The following GPR107 variants were observed in gnomAD, a reference collection of about 807,000 sequenced individuals.
GPR107 encodes the protein protein GPR107.
GPR107 carries 31 observed loss-of-function variants against 75.5 expected under a neutral mutation model. The ratio of observed to expected loss-of-function variants is 0.41; its 90% confidence interval spans 0.31 to 0.55. The LOEUF (loss-of-function observed/expected upper bound fraction) is 0.55, where lower values mean the gene tolerates loss of function less well. Among genes scored for constraint, GPR107 ranks in the 20% least tolerant of loss-of-function variants. The pLI is 0.26. For synonymous variants in GPR107, 267 were observed against 251.3 expected (o/e 1.06, Z -0.59); for missense variants, 572 against 665.7 (o/e 0.86, Z 1.55).
At chr9:130,099,371 T>G in intron 9 of GPR107, 86 bp from the exon 10 acceptor site, 1 of 782,656 alleles carries the variant, frequency 1.3e-6, no homozygotes, top group East Asian at 2.5e-5. Context: ...TCCTGTCTCC[T>G]TATAAATATA....
chr9:130,057,891 C>T (rs571696795), intron 1 of GPR107, among the ~76,000 whole-genome samples: 2 of 150,844 alleles, frequency 1.3e-5, no homozygotes, highest in African/African-American at 2.4e-5. Flanking sequence ...AAAGCAATGG[C>T]GCGATCTCAG....
chr9:130,074,343 G>A (rs1160445792), intron 1 of GPR107, among the ~76,000 whole-genome samples: 4 of 152,090 alleles, frequency 2.6e-5, no homozygotes, highest in African/African-American at 9.7e-5. Flanking sequence ...TAGACTACCC[G>A]GGATGTCCAG....
intron 14 of GPR107, among the ~76,000 whole-genome samples, chr9:130,111,178 C>T (rs7860041): frequency 0.98 from 149,745 of 152,152 alleles, 73,702 homozygotes; most frequent in East Asian, 1. Flanking sequence ...AAGAATCTCA[C>T]TTTTAGGCCA....
chr9:130,094,612 G>A (rs1282022728), intron 9 of GPR107, among the ~76,000 whole-genome samples: 2 of 151,858 alleles, frequency 1.3e-5, no homozygotes, highest in African/African-American at 2.4e-5. Flanking sequence ...AGGAGGGAAG[G>A]TTATAAAAAT....
At chr9:130,062,703 G>A (rs1448485429) in intron 1 of GPR107, among the ~76,000 whole-genome samples, 1 of 137,776 alleles carries the variant, frequency 7.3e-6, no homozygotes, top group Non-Finnish European at 1.6e-5. Flanking sequence ...CCTTCCTTCC[G>A]TTTGTCTGTC....
intron 4 of GPR107, among the ~76,000 whole-genome samples, chr9:130,077,936 C>T (rs540072553): frequency 3.3e-5 from 5 of 152,098 alleles, no homozygotes; most frequent in African/African-American, 7.2e-5. Flanking sequence ...GAGGCCGAGG[C>T]GGACGGATCA....
At chr9:130,111,187 C>T (rs1258214430) in intron 14 of GPR107, among the ~76,000 whole-genome samples, 4 of 151,920 alleles carry the variant, frequency 2.6e-5, no homozygotes, top group Admixed American at 6.6e-5. Flanking sequence ...ACTTTTAGGC[C>T]AGGCATGGTG....
chr9:130,083,781 A>C (rs972410041), intron 6 of GPR107, among the ~76,000 whole-genome samples, 179 bp downstream of exon 6: 2 of 152,028 alleles, frequency 1.3e-5, no homozygotes, highest in Non-Finnish European at 2.9e-5. Context: ...AGTGAATATC[A>C]AAATCAGTAG....
At chr9:130,091,074 TAAGAA>T (rs750767119) in intron 8 of GPR107, 91 bp downstream of exon 8, 42 of 672,654 alleles carry the variant, frequency 6.2e-5, no homozygotes, top group African/African-American at 1.8e-4. Context: ...TAAGAATACT[TAAGAA>T]AAGAATGTGG....
intron 7 of GPR107, among the ~76,000 whole-genome samples, chr9:130,088,780 A>G (rs1830670032): frequency 6.6e-6 from 1 of 152,198 alleles, no homozygotes; most frequent in African/African-American, 2.4e-5. Context: ...GTGTTTAACC[A>G]CTTTGCCTTT....
chr9:130,110,137 C>T lies in GPR107; in HGVS notation c.1306+2598C>T, dbSNP rs527366112. Among the ~76,000 whole-genome samples the T allele has an allele frequency of 7.2e-5, 11 of 152,228 alleles. No homozygotes were observed. The South Asian group carries it at 1.7e-3, about 23-fold the overall frequency. On this transcript the variant is annotated intron_variant, in intron 14 of 17. Transcript: ENST00000347136. The stretch of plus-strand genomic sequence containing the variant: ...TGTTCGGTCCTCCATCTTGCTTTAG[C>T]GAGTGTGGGGTGGCTGTGGTGACTG...
chr9:130,116,547 G>T (rs536009960), intron 14 of GPR107, among the ~76,000 whole-genome samples: 1 of 152,200 alleles, frequency 6.6e-6, no homozygotes, highest in African/African-American at 2.4e-5. Flanking sequence ...GCAGGGTTGC[G>T]TCCCAAGTCT....
At position 130,110,950 on chromosome 9, in the gene GPR107, T is replaced by C. The variant is rs538612856; in HGVS notation, c.1306+3411T>C. Among the ~76,000 whole-genome samples, 13 of 152,326 alleles carry C rather than the reference T, an allele frequency of 8.5e-5. No homozygotes were observed. In the East Asian group the frequency reaches 2.1e-3, roughly 25 times the overall value. On this transcript the variant is annotated intron_variant, in intron 14 of 17. Coordinates refer to ENST00000347136, the MANE Select transcript of GPR107 (RefSeq NM_020960.5). ...GGATAGAGCCTGACATTCTGTTTCC[T>C]GTTCTCAGGCTCATTATTCCAGTGA... is the stretch of plus-strand genomic sequence containing the variant.
chr9:130,080,499 A>ATTTATTTATTTG (rs1367806170), intron 5 of GPR107, among the ~76,000 whole-genome samples: 2 of 151,370 alleles, frequency 1.3e-5, no homozygotes, highest in Non-Finnish European at 2.9e-5. Flanking sequence ...TTATTTATTT[A>ATTTATTTATTTG]TTTATTTTTT....
chr9:130,091,087 T>G (rs1032212349), intron 8 of GPR107, 104 bp downstream of exon 8: 7 of 659,016 alleles, frequency 1.1e-5, no homozygotes. Flanking sequence ...GAAAAGAATG[T>G]GGGCAGACAC....
intron 1 of GPR107, among the ~76,000 whole-genome samples, chr9:130,068,543 T>C (rs370440037): frequency 6.6e-6 from 1 of 152,266 alleles, no homozygotes; most frequent in South Asian, 2.1e-4. Context: ...TGTTACTGTA[T>C]TTCTTATTTT....
chr9:130,114,029 C>CTTTTTTTTTTTTTTTTTTT (rs60616601), intron 14 of GPR107, among the ~76,000 whole-genome samples: 6 of 90,660 alleles, frequency 6.6e-5, no homozygotes, highest in Non-Finnish European at 8.1e-5. Flanking sequence ...TCTTCTCATT[C>CTTTTTTTTTTTTTTTTTTT]TTTTTTTTTT....
rs1831518457 is a variant in GPR107, at chr9:130,120,286, A to G, written c.1307-4629A>G. On this transcript the variant is annotated intron_variant, in intron 14 of 17. Coordinates refer to ENST00000347136, the MANE Select transcript of GPR107 (RefSeq NM_020960.5). ...GGCTCATTTATGGAGAGGCTCATTT[A>G]TGGAGCGGCTCATAGCCCACCTCCC... 2.6e-5 allele frequency among the ~76,000 whole-genome samples: 4 copies of G among 152,212 alleles called. No individual in the cohort carries two copies. The South Asian group carries it at 8.3e-4, about 32-fold the overall frequency.
In GPR107 at chr9:130,075,809, GTC is replaced by G. The variant is rs1830333932; in HGVS notation, c.255+62_255+63del. 2.9e-5 allele frequency: 22 copies of G among 767,010 alleles called. No homozygotes were observed. The South Asian group carries it at 3.2e-4, about 11-fold the overall frequency. The allele number at this position is 767,010 out of a possible 1,614,324, so 47.5% of individuals were successfully genotyped here. A position where few individuals can be genotyped will look rare whatever the true frequency, so the allele number is the denominator to read the frequency against. ...CTTTTTTTTTTTTTTTTGAGATGGA[GTC>G]TTGCTCTGTCACCCAGGCTGGAGTG... On this transcript the variant is annotated intron_variant, in intron 2 of 17. Coordinates refer to ENST00000347136, the MANE Select transcript of GPR107 (RefSeq NM_020960.5).
Sources: allele counts gnomAD v4.1 joint callset (sites outside exome capture counted in the v4.1 genomes callset), GRCh38; gene constraint gnomAD v4.1.1; transcripts MANE v1.5; gene names NCBI Gene and HGNC (gene_info 2026-07-23, HGNC 2026-07-21).